The following PEPD variants were observed in gnomAD, a reference collection of about 807,000 sequenced individuals.
PEPD encodes the protein peptidase D.
In PEPD, 53 loss-of-function variants were observed where a neutral mutation model predicts 60.7. The ratio of observed to expected loss-of-function variants is 0.87; its 90% CI spans 0.70 to 1.10. The LOEUF (loss-of-function observed/expected upper bound fraction) is 1.10. Ranked by LOEUF, PEPD falls within the 50% of genes least tolerant of loss-of-function variation. PEPD has a pLI of 0.00. For missense variants in PEPD, 711 were observed against 711.9 expected, an observed-to-expected ratio of 1.00 and a Z score of 0.01; for synonymous variants, 267 against 284.1, an observed-to-expected ratio of 0.94 and a Z score of 0.60.
chr19:33,518,432 C>T (rs1432387640), intron 1 of PEPD, among the ~76,000 whole-genome samples: 3 of 152,206 alleles, frequency 2.0e-5, no homozygotes, highest in Non-Finnish European at 4.4e-5. Flanking sequence ...CTGCAGAAGA[C>T]TCTCCAGAAG....
chr19:33,390,508 C>A (rs933991653), intron 13 of PEPD, among the ~76,000 whole-genome samples: 1 of 152,278 alleles, frequency 6.6e-6, no homozygotes, highest in Non-Finnish European at 1.5e-5. Context: ...AGAGGCTGAG[C>A]CTTGTCTTGG....
intron 9 of PEPD, among the ~76,000 whole-genome samples, chr19:33,435,633 C>T (rs1449490828): frequency 2.0e-5 from 3 of 152,210 alleles, no homozygotes; most frequent in East Asian, 1.9e-4. Flanking sequence ...TCAGGTGCTG[C>T]GCTTGTAAAG....
Position 33,387,376 on chromosome 19 carries a change from TG to T in PEPD, c.1449del (p.Asp483GlufsTer55). The T allele has an allele frequency of 6.2e-7, 1 of 1,614,046 alleles. No homozygotes were observed. The highest frequency in any genetic ancestry group is 8.5e-7 in the Non-Finnish European group (1 of 1,180,024). On this transcript the variant is annotated frameshift_variant, in exon 15 of 15. Coordinates refer to ENST00000244137, the MANE Select transcript of PEPD (RefSeq NM_000285.4). LOFTEE classifies it high-confidence loss of function. ...GGGCCAGAGAAGGGGGTAAAGGCCT[TG>T]TCACAGCCTGCCATGCATGCTTCAA... Reference protein sequence around the residue: ...EEIEACMAGCDKAFTPFSGPK With the variant: ...EEIEACMAGCXKAFTPFSGPK
intron 4 of PEPD, among the ~76,000 whole-genome samples, chr19:33,494,205 C>T (rs1970553548): frequency 6.6e-6 from 1 of 152,174 alleles, no homozygotes; most frequent in African/African-American, 2.4e-5. Context: ...TTTCTGAGCA[C>T]CCCCTGGGCA....
chr19:33,491,373 C>A (rs2145319258), intron 5 of PEPD, among the ~76,000 whole-genome samples: 1 of 152,240 alleles, frequency 6.6e-6, no homozygotes, highest in African/African-American at 2.4e-5. Flanking sequence ...TTGCTTGAAC[C>A]CGGGAGGTGG....
chr19:33,465,035 C>T (rs1449363616), intron 7 of PEPD, among the ~76,000 whole-genome samples: 2 of 152,144 alleles, frequency 1.3e-5, no homozygotes, highest in African/African-American at 4.8e-5. Flanking sequence ...CTCTGTGCCT[C>T]GGTTTCCCCA....
At chr19:33,417,707 T>C (rs1381724902) in intron 9 of PEPD, among the ~76,000 whole-genome samples, 4 of 152,090 alleles carry the variant, frequency 2.6e-5, no homozygotes, top group Non-Finnish European at 5.9e-5. Flanking sequence ...TTCAGAGGCC[T>C]GGAGGGAGGC....
chr19:33,504,171 A>G (rs921164354), intron 3 of PEPD, among the ~76,000 whole-genome samples: 1 of 152,176 alleles, frequency 6.6e-6, no homozygotes. Context: ...TATAGTAAAA[A>G]CCATTTAAAC....
At chr19:33,414,184 T>C (rs1020389308) in intron 9 of PEPD, among the ~76,000 whole-genome samples, 1 of 152,056 alleles carries the variant, frequency 6.6e-6, no homozygotes, top group African/African-American at 2.4e-5. Context: ...GGCAGGGTGG[T>C]CTCCAGGGAT....
At chr19:33,494,025 C>T (rs1291947974) in intron 4 of PEPD, among the ~76,000 whole-genome samples, 2 of 152,240 alleles carry the variant, frequency 1.3e-5, no homozygotes, top group Non-Finnish European at 2.9e-5. Context: ...AGGATGAAAG[C>T]CCCAGCCCCC....
At chr19:33,440,863 A>G (rs552470039) in intron 9 of PEPD, among the ~76,000 whole-genome samples, 3 of 152,276 alleles carry the variant, frequency 2.0e-5, no homozygotes, top group South Asian at 4.1e-4. Context: ...GCACGTGTGT[A>G]ATCCGGTGAG....
At chr19:33,458,115 G>A (rs919520119) in intron 9 of PEPD, among the ~76,000 whole-genome samples, 16 of 152,036 alleles carry the variant, frequency 1.1e-4, no homozygotes, top group African/African-American at 3.6e-4. Flanking sequence ...TGTTGTGTGT[G>A]GTGTGTAGCA....
chr19:33,422,305 C>T (rs1314828290), intron 9 of PEPD, among the ~76,000 whole-genome samples: 11 of 152,132 alleles, frequency 7.2e-5, no homozygotes, highest in Non-Finnish European at 1.3e-4. Context: ...CCCTCACCAC[C>T]ATCTGACATG....
At position 33,512,682 on chromosome 19, in the gene PEPD, G is replaced by T; in HGVS notation, c.112C>A (p.Pro38Thr). 1.9e-6 allele frequency: 3 copies of T among 1,614,030 alleles called. No individual in the cohort carries two copies. The highest frequency in any genetic ancestry group is 2.5e-6 in the Non-Finnish European group (3 of 1,179,974). ...ACGATGGAGCCGGCCTGCACAGCAGGGTTCTTCCGCAGCCGCTCACACAGG... is the reference window on the plus strand; with the variant it reads ...ACGATGGAGCCGGCCTGCACAGCAGTGTTCTTCCGCAGCCGCTCACACAGG... ...QRLCERLRKNPAVQAGSIVVL... is the reference protein window; with the variant it reads ...QRLCERLRKNTAVQAGSIVVL... Residue 38 changes from proline to threonine, a missense_variant, in exon 2 of 15, where the codon CCT becomes ACT. Coordinates refer to ENST00000244137, the MANE Select transcript of PEPD (RefSeq NM_000285.4).
chr19:33,392,392 C>T lies in PEPD; in HGVS notation c.968-913G>A, dbSNP rs545707427. 7.2e-5 allele frequency among the ~76,000 whole-genome samples: 11 copies of T among 152,352 alleles called. No homozygotes were observed. In the South Asian group the frequency reaches 2.3e-3, roughly 32 times the overall value. ...CTCTGTGGAATCCCAGCATCAGCCT[C>T]TCCTCATGGTAGCTTCCACTGCTGG... On this transcript the variant is annotated intron_variant, in intron 12 of 14. Coordinates refer to ENST00000244137, the MANE Select transcript of PEPD (RefSeq NM_000285.4).
intron 6 of PEPD, among the ~76,000 whole-genome samples, chr19:33,483,281 T>C (rs967845928): frequency 6.6e-6 from 1 of 151,882 alleles, no homozygotes; most frequent in African/African-American, 2.4e-5. Flanking sequence ...AAGAAAGCAA[T>C]GAAATAAAAA....
chr19:33,387,255 C>T lies in PEPD; in HGVS notation c.*89G>A, dbSNP rs1233004776. The T allele has an allele frequency of 1.7e-5, 26 of 1,492,880 alleles. No individual in the cohort carries two copies. Among genetic ancestry groups the T allele is most frequent in the East Asian group, 4.5e-5 (2 of 44,048 alleles). 92.5% of individuals were successfully genotyped at this position (1,492,880 alleles called of 1,614,324 possible). On this transcript the variant is annotated 3_prime_UTR_variant, in exon 15 of 15. Transcript: ENST00000244137. ...GGATCTGATTCTGGGTGCCGTCTCT[C>T]GCTACTGGAGTGCTGACCAGCAGGC...
intron 9 of PEPD, among the ~76,000 whole-genome samples, chr19:33,435,566 C>G (rs972346442): frequency 1.3e-5 from 2 of 152,242 alleles, no homozygotes; most frequent in Non-Finnish European, 2.9e-5. Flanking sequence ...CGTTCGGTCC[C>G]AGCAGGGCCT....
intron 3 of PEPD, among the ~76,000 whole-genome samples, chr19:33,502,125 C>T (rs912991048): frequency 4.6e-5 from 7 of 152,144 alleles, no homozygotes; most frequent in South Asian, 2.1e-4. Context: ...ACAGAGCTTA[C>T]GCAAGGGGAA....
Sources: allele counts gnomAD v4.1 joint callset (sites outside exome capture counted in the v4.1 genomes callset), GRCh38; gene constraint gnomAD v4.1.1; transcripts MANE v1.5; gene names NCBI Gene and HGNC (gene_info 2026-07-23, HGNC 2026-07-21).